DNAH2: variants seen among roughly 807,000 people sequenced by gnomAD.
DNAH2 encodes the protein axonemal beta dynein heavy chain 2.
In DNAH2, 323 loss-of-function variants were observed where a neutral mutation model predicts 523.5. That is an observed-to-expected ratio of 0.62 (90% CI 0.56 to 0.68). The LOEUF (loss-of-function observed/expected upper bound fraction) is 0.68. Among genes scored for constraint, DNAH2 ranks in the 30% least tolerant of loss-of-function variants. The pLI is 0.00. For missense variants in DNAH2, 4,907 were observed against 5,701.5 expected (o/e 0.86, Z 4.49); for synonymous variants, 2,093 against 2,177.4 (o/e 0.96, Z 1.08).
Position 7,807,393 on chromosome 17 carries a change from G to C in DNAH2, c.9612+74G>C. ...GGAGTGCGGATGCACAGACCCAGGT[G>C]GAAGGAGGGGATGCCTGGAGGTGAG... On this transcript the variant is annotated intron_variant, in intron 62 of 85. Coordinates refer to ENST00000572933, the MANE Select transcript of DNAH2 (RefSeq NM_020877.5). The surrounding 1 kb of genome is among the most constrained non-coding windows in gnomAD (Gnocchi z 5.6). 6.2e-7 allele frequency: 1 copy of C among 1,604,862 alleles called. No homozygotes were observed. The highest frequency in any genetic ancestry group is 1.7e-4 in the Middle Eastern group (1 of 5,884).
Position 7,817,999 on chromosome 17 carries a change from C to T in DNAH2, c.10290C>T (p.His3430=), listed in dbSNP as rs749033023. The change falls in exon 68 of 86, where the codon CAC becomes CAT. Residue 3430 remains histidine, a synonymous_variant. Coordinates refer to ENST00000572933, the MANE Select transcript of DNAH2 (RefSeq NM_020877.5). ...GCGATTACCTGCGAATCCTAGAACA[C>T]GCCATTCACTTTGGATACCCGGTGC... The part of the protein sequence containing the change: ...QMSDYLRILE[H]AIHFGYPVLL... 9.3e-6 allele frequency: 15 copies of T among 1,614,130 alleles called. No individual in the cohort carries two copies. Among genetic ancestry groups the T allele is most frequent in the Admixed American group, 5.0e-5 (3 of 60,016 alleles).
chr17:7,786,443 G>A lies in DNAH2; in HGVS notation c.6348+101G>A. The A allele has an allele frequency of 6.7e-7, 1 of 1,486,942 alleles. No homozygotes were observed. The highest frequency in any genetic ancestry group is 9.2e-7 in the Non-Finnish European group (1 of 1,090,470). The allele number at this position is 1,486,942 out of a possible 1,614,324, so 92.1% of individuals were successfully genotyped here. ...AGGACCTTGCAAGGCCGGGAGAGCTGTACCTGGGACCATGGTGGCCTGGAG... is the reference window on the plus strand; with the variant it reads ...AGGACCTTGCAAGGCCGGGAGAGCTATACCTGGGACCATGGTGGCCTGGAG... On this transcript the variant is annotated intron_variant, in intron 40 of 85. Transcript: ENST00000572933. This position sits in a 1 kb window ranked among gnomAD's most constrained non-coding sequence, Gnocchi z 7.5.
At chr17:7,783,218 C>T (rs2076648483) in intron 39 of DNAH2, among the ~76,000 whole-genome samples, 1 of 152,112 alleles carries the variant, frequency 6.6e-6, no homozygotes. Flanking sequence ...GCTAGGATTA[C>T]AGGCATGCAC....
At chr17:7,759,662 A>G in intron 16 of DNAH2, 52 bp downstream of exon 16, 1 of 1,601,436 alleles carries the variant, frequency 6.2e-7, no homozygotes, top group Non-Finnish European at 8.5e-7. Context: ...CTTATTTGTC[A>G]GTTTCCCTTA....
In DNAH2 at chr17:7,787,400, ATT is replaced by A. The variant is rs1597657440; in HGVS notation, c.6603+371_6603+372del. Reference sequence around the variant, plus strand: ...CTCCAACAATGCGAGCAAGAGAGTGATTTTTCAAAAGGACAACCTTGAATAAG... The same window carrying A: ...CTCCAACAATGCGAGCAAGAGAGTGATTTCAAAAGGACAACCTTGAATAAG... On this transcript the variant is annotated intron_variant, in intron 42 of 85. Coordinates refer to ENST00000572933, the MANE Select transcript of DNAH2 (RefSeq NM_020877.5). 3 of 309,948 alleles carry A rather than the reference ATT, an allele frequency of 9.7e-6. No individual in the cohort carries two copies. The East Asian group carries it at 1.9e-4, about 20-fold the overall frequency. The allele number at this position is 309,948 out of a possible 1,614,324, so 19.2% of individuals were successfully genotyped here.
Position 7,758,647 on chromosome 17 carries a change from G to A in DNAH2, c.2204G>A (p.Ser735Asn), listed in dbSNP as rs534342136. 4 of 1,611,904 alleles carry A rather than the reference G, an allele frequency of 2.5e-6. No homozygotes were observed. The East Asian group carries it at 8.9e-5, about 36-fold the overall frequency. Residue 735 changes from serine to asparagine, a missense_variant, in exon 14 of 86, where the codon AGC becomes AAC. By Grantham distance (46) the Ser-to-Asn change is conservative. Around this residue, in one of 3 missense-constraint regions of DNAH2, gnomAD observed 2,806 missense variants for 3,190.8 expected, o/e 0.88. Transcript: ENST00000572933. Reference sequence around the variant, plus strand: ...ATCACGGAGTGCCGTATACATGCCAGCAAGGTGGGCCATGGTCCTTAGACC... The same window carrying A: ...ATCACGGAGTGCCGTATACATGCCAACAAGGTGGGCCATGGTCCTTAGACC... ...FFITECRIHA[S>N]KVQMIVNEFK...
chr17:7,788,033 G>A (rs1218301484), intron 43 of DNAH2, 36 bp downstream of exon 43: 1 of 1,613,272 alleles, frequency 6.2e-7, no homozygotes, highest in Non-Finnish European at 8.5e-7. Flanking sequence ...AAGTAACCAG[G>A]GTGGCTCCAG....
intron 12 of DNAH2, among the ~76,000 whole-genome samples, chr17:7,751,017 A>G (rs1300171739): frequency 2.0e-5 from 3 of 152,320 alleles, no homozygotes; most frequent in African/African-American, 7.2e-5. Context: ...TTAGAATGCA[A>G]AGTTTCTTGA....
chr17:7,804,960 C>T lies in DNAH2; in HGVS notation c.9186C>T (p.Ala3062=), dbSNP rs144786059. The change falls in exon 60 of 86, where the codon GCC becomes GCT. Residue 3062 remains alanine (A), a splice_region_variant and synonymous_variant. Coordinates refer to ENST00000572933, the MANE Select transcript of DNAH2 (RefSeq NM_020877.5). ...QKREADEQQK[A]VTANSEKIAV... is the part of the protein sequence containing the mutation. ...CCTTGTCCTTTTTTCATCCCTAGGC[C>T]GTAACAGCCAACAGTGAAAAGATTG... is the stretch of plus-strand genomic sequence containing the variant. The T allele has an allele frequency of 1.7e-5, 27 of 1,613,682 alleles. No homozygotes were observed. Among genetic ancestry groups the T allele is most frequent in the Middle Eastern group, 1.6e-4 (1 of 6,084 alleles).
At chr17:7,809,701 C>T (rs373466337) in intron 63 of DNAH2, among the ~76,000 whole-genome samples, 10 of 152,276 alleles carry the variant, frequency 6.6e-5, no homozygotes, top group African/African-American at 2.2e-4. Context: ...ATTTATAGTG[C>T]ACCCAGTGTT....
In DNAH2 at chr17:7,775,715, A is replaced by G. The variant is rs1416865426; in HGVS notation, c.4822-309A>G. ...CCAAAAAAAAAAAAAGAAAAAAAAA[A>G]AAAAAGAAAGTTCAACTGGCTCCAT... On this transcript the variant is annotated intron_variant, in intron 30 of 85. Transcript: ENST00000572933. 7.9e-5 allele frequency among the ~76,000 whole-genome samples: 12 copies of G among 151,772 alleles called. No homozygotes were observed. The East Asian group carries it at 2.3e-3, about 29-fold the overall frequency.
Position 7,739,828 on chromosome 17 carries a change from G to A in DNAH2, c.1266G>A (p.Arg422=). The A allele has an allele frequency of 6.2e-7, 1 of 1,613,972 alleles. No individual in the cohort carries two copies. Among genetic ancestry groups the A allele is most frequent in the Non-Finnish European group, 8.5e-7 (1 of 1,180,014 alleles). ...FFGAQGPQIT[R]NLLEIEDIFH... ...GTGCCCAGGGGCCACAGATAACACG[G>A]AACTTGCTGGAGATTGAGGACATCT... Residue 422 remains arginine, a synonymous_variant, in exon 9 of 86, where the codon CGG becomes CGA. Transcript: ENST00000572933.
chr17:7,730,006 A>T (rs923553645), intron 4 of DNAH2, among the ~76,000 whole-genome samples: 4 of 152,210 alleles, frequency 2.6e-5, no homozygotes, highest in Admixed American at 2.0e-4. Context: ...CTGCAAGTGC[A>T]TTACATCAAA....
At chr17:7,802,079 G>A (rs1408905177) in intron 58 of DNAH2, 62 bp downstream of exon 58, 3 of 1,596,322 alleles carry the variant, frequency 1.9e-6, no homozygotes, top group African/African-American at 1.3e-5. Context: ...AGGGCGATGG[G>A]TGAAATGATG....
At chr17:7,741,986 G>T (rs911167455) in intron 11 of DNAH2, among the ~76,000 whole-genome samples, 1 of 152,076 alleles carries the variant, frequency 6.6e-6, no homozygotes, top group South Asian at 2.1e-4. Context: ...TTCATATCAG[G>T]CTGCAGAGGA....
At chr17:7,819,441 G>A in intron 72 of DNAH2, 33 bp downstream of exon 72, 1 of 1,612,580 alleles carries the variant, frequency 6.2e-7, no homozygotes, top group East Asian at 2.2e-5. Flanking sequence ...CCCCAGCCCG[G>A]AGGCCGAGTG....
In DNAH2 at chr17:7,748,294, G is replaced by A. The variant is rs868264464; in HGVS notation, c.1904+5152G>A. On this transcript the variant is annotated intron_variant, in intron 12 of 85. Transcript: ENST00000572933. ...GTAGAATTTCCTGAGAGGAGGAGAC[G>A]AGATACTGAGGTCTGTTTTTTGTTC... is the stretch of plus-strand genomic sequence containing the variant. Among the ~76,000 whole-genome samples, 8 of 152,152 alleles carry A rather than the reference G, an allele frequency of 5.3e-5. 1 individual carries two copies. Among genetic ancestry groups the A allele is most frequent in the Non-Finnish European group, 1.0e-4 (7 of 68,032 alleles).
Position 7,717,995 on chromosome 17 carries a change from C to A in DNAH2, c.-819C>A, listed in dbSNP as rs534813149. 4 of 111,914 alleles carry A rather than the reference C, an allele frequency of 3.6e-5. No individual in the cohort carries two copies. The East Asian group carries it at 7.2e-4, about 20-fold the overall frequency. 6.9% of individuals were successfully genotyped at this position (111,914 alleles called of 1,614,324 possible). ...GGGGGAGGAGAAGGGGCAGTTGTGA[C>A]AGCTGGGGGGGAAGAGCCATTCTGA... On this transcript the variant is annotated 5_prime_UTR_variant, in exon 1 of 86. Coordinates refer to ENST00000572933, the MANE Select transcript of DNAH2 (RefSeq NM_020877.5).
chr17:7,780,692 C>A lies in DNAH2; in HGVS notation c.5913C>A (p.Asp1971Glu), dbSNP rs754710074. 3.1e-6 allele frequency: 5 copies of A among 1,614,214 alleles called. No individual in the cohort carries two copies. The East Asian group carries it at 6.7e-5, about 22-fold the overall frequency. ...SLAVQQLSRQ[D>E]HYDFGLRALT... The stretch of plus-strand genomic sequence containing the variant: ...CTGTGCAGCAGCTGTCCAGACAGGA[C>A]CACTATGACTTTGGCCTGCGTGCCC... Residue 1971 changes from aspartate (D) to glutamate (E), a missense_variant, in exon 38 of 86, where the codon GAC becomes GAA. By Grantham distance (45) the Asp-to-Glu change is conservative. Coordinates refer to ENST00000572933, the MANE Select transcript of DNAH2 (RefSeq NM_020877.5). The surrounding 1 kb of genome is among the most constrained non-coding windows in gnomAD (Gnocchi z 4.4).
Sources: gnomAD v4.1 joint callset for allele counts (sites outside exome capture counted in the v4.1 genomes callset) on GRCh38, gnomAD v4.1.1 for gene constraint, gnomAD v4.1.1 regional missense constraint, Gnocchi (gnomAD v3.1) non-coding constraint, MANE v1.5 for transcripts, NCBI Gene and HGNC (gene_info 2026-07-23, HGNC 2026-07-21) for gene names.